Variants in EPB41L3 observed in about 807,000 individuals in gnomAD.
EPB41L3 encodes erythrocyte membrane protein band 4.1 like 3.
EPB41L3 carries 57 observed loss-of-function variants against 127.1 expected under a neutral mutation model. The ratio of observed to expected loss-of-function variants is 0.45; its 90% CI spans 0.36 to 0.56. The LOEUF (loss-of-function observed/expected upper bound fraction) is 0.56, where lower values mean the gene tolerates loss of function less well. EPB41L3 is among the 20% of genes least tolerant of loss of function. The pLI, the probability that EPB41L3 is intolerant of heterozygous loss-of-function variation, is 0.00. For missense variants in EPB41L3, 1,273 were observed against 1,372.2 expected (o/e 0.93, Z 1.14); for synonymous variants, 572 against 549.5 (o/e 1.04, Z -0.57).
intron 1 of EPB41L3, among the ~76,000 whole-genome samples, chr18:5,522,826 G>C (rs1334558581): frequency 6.6e-6 from 1 of 152,166 alleles, no homozygotes; most frequent in Non-Finnish European, 1.5e-5. Context: ...GTACTACAAT[G>C]CAGCTTACTG....
chr18:5,582,333 C>T (rs895658697), intron 3 of EPB41L3, among the ~76,000 whole-genome samples: 17 of 152,212 alleles, frequency 1.1e-4, no homozygotes, highest in African/African-American at 4.1e-4. Context: ...TTCACACAAT[C>T]CTCATCTTAG....
intron 11 of EPB41L3, chr18:5,420,212 G>C (rs1486549689): frequency 2.7e-6 from 1 of 377,354 alleles, no homozygotes; most frequent in South Asian, 2.7e-5. Flanking sequence ...GGTGAGTGGA[G>C]GGTCATGAGG....
At chr18:5,539,714 G>A (rs934897660) in intron 1 of EPB41L3, 3 of 152,076 alleles carry the variant, frequency 2.0e-5, no homozygotes, top group African/African-American at 7.2e-5. Context: ...AATTCAGAAA[G>A]GAAAACATGA....
intron 6 of EPB41L3, among the ~76,000 whole-genome samples, chr18:5,437,539 T>G (rs569064876): frequency 6.6e-6 from 1 of 152,352 alleles, no homozygotes; most frequent in Admixed American, 6.5e-5. Context: ...CTGAAATATT[T>G]TAATGTTTTG....
At chr18:5,453,515 T>A (rs1340039525) in intron 3 of EPB41L3, among the ~76,000 whole-genome samples, 1 of 152,180 alleles carries the variant, frequency 6.6e-6, no homozygotes, top group Non-Finnish European at 1.5e-5. Flanking sequence ...CTATGCTGGC[T>A]TAGGCTCAAA....
chr18:5,434,352 C>T (rs775467738), intron 6 of EPB41L3, among the ~76,000 whole-genome samples: 4 of 152,052 alleles, frequency 2.6e-5, no homozygotes, highest in African/African-American at 7.2e-5. Context: ...AGAAGCAAGT[C>T]GACGTTCATA....
chr18:5,557,683 G>A (rs1041429539), intron 3 of EPB41L3, among the ~76,000 whole-genome samples: 7 of 152,106 alleles, frequency 4.6e-5, no homozygotes, highest in South Asian at 4.1e-4. Context: ...CTGTGCCCAG[G>A]CACTCAAAAC....
intron 3 of EPB41L3, among the ~76,000 whole-genome samples, chr18:5,581,818 G>T (rs978514515): frequency 6.6e-6 from 1 of 151,986 alleles, no homozygotes; most frequent in African/African-American, 2.4e-5. Context: ...GCAACATAGC[G>T]AGACTCTATC....
intron 1 of EPB41L3, among the ~76,000 whole-genome samples, chr18:5,512,126 G>A (rs2092557056): frequency 1.3e-5 from 2 of 152,228 alleles, no homozygotes; most frequent in African/African-American, 4.8e-5. Context: ...ACACAGCACA[G>A]TATGCTAATG....
intron 2 of EPB41L3, among the ~76,000 whole-genome samples, chr18:5,488,016 T>G (rs1458187901): frequency 6.6e-6 from 1 of 152,172 alleles, no homozygotes; most frequent in African/African-American, 2.4e-5. Context: ...ATCGGCACTC[T>G]AAAACATTTT....
chr18:5,442,146 GAT>G (rs1464706766), intron 5 of EPB41L3, among the ~76,000 whole-genome samples: 1 of 152,036 alleles, frequency 6.6e-6, no homozygotes, highest in East Asian at 1.9e-4. Flanking sequence ...AAAATGTTAG[GAT>G]ATATATTCAG....
At chr18:5,590,530 T>C (rs1320331355) in intron 3 of EPB41L3, among the ~76,000 whole-genome samples, 1 of 151,834 alleles carries the variant, frequency 6.6e-6, no homozygotes, top group African/African-American at 2.4e-5. Flanking sequence ...AATCCTATAC[T>C]CCTGGGCATT....
intron 1 of EPB41L3, among the ~76,000 whole-genome samples, chr18:5,539,418 T>G (rs2093663144): frequency 1.3e-5 from 2 of 152,212 alleles, no homozygotes; most frequent in South Asian, 4.1e-4. Flanking sequence ...GTATGCAATT[T>G]AACCAATCAT....
At chr18:5,396,416 T>C (rs2073477180) in intron 18 of EPB41L3, 84 bp from the exon 19 acceptor site, 3 of 1,520,956 alleles carry the variant, frequency 2.0e-6, no homozygotes, top group Non-Finnish European at 2.7e-6. Context: ...TTGGTGGTTA[T>C]AAGCACAGGT....
chr18:5,474,179 C>G (rs192881198), intron 3 of EPB41L3, among the ~76,000 whole-genome samples: 1 of 151,300 alleles, frequency 6.6e-6, no homozygotes, highest in Non-Finnish European at 1.5e-5. Flanking sequence ...TGCAGTGAGC[C>G]GAGATCGCGC....
At chr18:5,580,581 A>G (rs1399296195) in intron 3 of EPB41L3, among the ~76,000 whole-genome samples, 2 of 152,170 alleles carry the variant, frequency 1.3e-5, no homozygotes, top group Admixed American at 1.3e-4. Context: ...CACATATACA[A>G]TCATATATCC....
intron 1 of EPB41L3, among the ~76,000 whole-genome samples, chr18:5,531,746 A>AAAAG (rs1195912044): frequency 7.3e-5 from 11 of 151,606 alleles, no homozygotes; most frequent in Non-Finnish European, 1.5e-4. Context: ...AAAAAAAAAA[A>AAAAG]AAAAAAGGAA....
chr18:5,471,332 T>G (rs1420280169), intron 3 of EPB41L3, among the ~76,000 whole-genome samples: 1 of 152,156 alleles, frequency 6.6e-6, no homozygotes, highest in Non-Finnish European at 1.5e-5. Context: ...CAGGGCTCTG[T>G]GGCACTAAAG....
At chr18:5,574,659 C>T (rs760993508) in intron 3 of EPB41L3, among the ~76,000 whole-genome samples, 3 of 152,120 alleles carry the variant, frequency 2.0e-5, no homozygotes, top group Non-Finnish European at 4.4e-5. Context: ...GCCTATGTGA[C>T]CTGCTCCCTG....
Sources: allele counts gnomAD v4.1 joint callset (sites outside exome capture counted in the v4.1 genomes callset), GRCh38; gene constraint gnomAD v4.1.1; transcripts MANE v1.5; gene names NCBI Gene and HGNC (gene_info 2026-07-23, HGNC 2026-07-21).